Variants in USP6NL observed in about 807,000 individuals in gnomAD.
USP6NL encodes the protein USP6 N-terminal like, also known as USP6 N-terminal-like protein.
Under a neutral mutation model 61.9 loss-of-function variants are expected in USP6NL, and 26 were observed. That is an observed-to-expected ratio of 0.42 (90% confidence interval 0.31 to 0.58). USP6NL has a LOEUF of 0.58. Among genes scored for constraint, USP6NL ranks in the 20% least tolerant of loss-of-function variants. The pLI is 0.16. For missense variants in USP6NL, 1,114 were observed against 1,034.3 expected (o/e 1.08, Z -1.06); for synonymous variants, 432 against 390.1 (o/e 1.11, Z -1.27).
chr10:11,590,534 T>G (rs185290583), intron 2 of USP6NL, among the ~76,000 whole-genome samples: 1 of 152,284 alleles, frequency 6.6e-6, no homozygotes, highest in Admixed American at 6.5e-5. Flanking sequence ...CCACTACATC[T>G]TTTCACAAAT....
intron 6 of USP6NL, among the ~76,000 whole-genome samples, chr10:11,505,228 G>T (rs1834383866): frequency 6.6e-6 from 1 of 152,096 alleles, no homozygotes; most frequent in Non-Finnish European, 1.5e-5. Context: ...AGTGGGGGTG[G>T]GAGCAAGGAT....
At position 11,518,711 on chromosome 10, in the gene USP6NL, T is replaced by C. The variant is rs948214880; in HGVS notation, c.156-137A>G. 5 of 659,092 alleles carry C rather than the reference T, an allele frequency of 7.6e-6. No individual in the cohort carries two copies. The African/African-American group carries it at 9.5e-5, about 13-fold the overall frequency. 40.8% of individuals were successfully genotyped at this position (659,092 alleles called of 1,614,324 possible). On this transcript the variant is annotated intron_variant, in intron 4 of 14. Coordinates refer to ENST00000609104, the MANE Select transcript of USP6NL (RefSeq NM_014688.5). This position sits in a 1 kb window ranked among gnomAD's most constrained non-coding sequence, Gnocchi z 5.3. Reference sequence around the variant, plus strand: ...GTTACATAGGCTTCCATTCATTGAATTCAATATGAAATGATAGCTACTCTA... The same window carrying C: ...GTTACATAGGCTTCCATTCATTGAACTCAATATGAAATGATAGCTACTCTA...
intron 14 of USP6NL, among the ~76,000 whole-genome samples, chr10:11,472,502 C>G (rs1320954934): frequency 6.6e-6 from 1 of 152,256 alleles, no homozygotes; most frequent in Non-Finnish European, 1.5e-5. Context: ...TACACACACT[C>G]TGACTGTTCT....
chr10:11,531,394 C>T (rs1338008256), intron 2 of USP6NL, among the ~76,000 whole-genome samples: 1 of 152,064 alleles, frequency 6.6e-6, no homozygotes, highest in African/African-American at 2.4e-5. Context: ...ATGATCTCAG[C>T]TCACTGCAAC....
chr10:11,506,969 G>T (rs1034176674), intron 6 of USP6NL, among the ~76,000 whole-genome samples: 1 of 152,104 alleles, frequency 6.6e-6, no homozygotes, highest in African/African-American at 2.4e-5. Context: ...CTTTTAGAAG[G>T]TTCATTCTGT....
intron 2 of USP6NL, among the ~76,000 whole-genome samples, chr10:11,531,734 A>C (rs2133421670): frequency 6.6e-6 from 1 of 151,392 alleles, no homozygotes; most frequent in African/African-American, 2.4e-5. Flanking sequence ...GATTTTTTTT[A>C]TCTAATGTAA....
intron 2 of USP6NL, among the ~76,000 whole-genome samples, chr10:11,580,595 T>C (rs1392741156): frequency 1.3e-5 from 2 of 152,170 alleles, no homozygotes; most frequent in African/African-American, 4.8e-5. Flanking sequence ...TGAAATCACC[T>C]GGGGAGTTTC....
Position 11,596,638 on chromosome 10 carries a change from A to C in USP6NL, c.4+993T>G, listed in dbSNP as rs1183716472. On this transcript the variant is annotated intron_variant, in intron 2 of 14. Transcript: ENST00000609104. The surrounding 1 kb of genome is among the most constrained non-coding windows in gnomAD (Gnocchi z 4.1). ...GACTCCGTCTCAAAAAAAAAAAAAA[A>C]AACTCTTTCTTAATCTGTACTGAAC... Among the ~76,000 whole-genome samples, 1 of 152,038 alleles carries C rather than the reference A, an allele frequency of 6.6e-6. No homozygotes were observed. The highest frequency in any genetic ancestry group is 1.5e-5 in the Non-Finnish European group (1 of 68,000).
intron 2 of USP6NL, chr10:11,563,054 T>G (rs1231452573): frequency 6.6e-6 from 1 of 152,394 alleles, no homozygotes; most frequent in Non-Finnish European, 1.5e-5. Context: ...TATCCTTCAG[T>G]GTGTAAATGG....
intron 2 of USP6NL, among the ~76,000 whole-genome samples, chr10:11,594,942 A>G (rs1838278714): frequency 6.6e-6 from 1 of 152,162 alleles, no homozygotes; most frequent in Non-Finnish European, 1.5e-5. Context: ...TGGGTCCCAG[A>G]AGGAGGCAGG....
intron 2 of USP6NL, among the ~76,000 whole-genome samples, chr10:11,549,429 T>C (rs1193839157): frequency 2.0e-5 from 3 of 152,286 alleles, no homozygotes; most frequent in East Asian, 3.9e-4. Flanking sequence ...TTCACAGATA[T>C]CAACTCATTC....
Position 11,499,807 on chromosome 10 carries a change from G to A in USP6NL, c.384+1294C>T, listed in dbSNP as rs1190477967. Among the ~76,000 whole-genome samples the A allele has an allele frequency of 2.0e-5, 3 of 152,212 alleles. No homozygotes were observed. The highest frequency in any genetic ancestry group is 6.5e-5 in the Admixed American group (1 of 15,274). On this transcript the variant is annotated intron_variant, in intron 7 of 14. Coordinates refer to ENST00000609104, the MANE Select transcript of USP6NL (RefSeq NM_014688.5). The surrounding 1 kb of genome is among the most constrained non-coding windows in gnomAD (Gnocchi z 4.5). Reference sequence around the variant, plus strand: ...GTCCTCAAGAACTGTGTGAGAGAGAGTTCTGTTGTTTTGAGCCGCTTAGTT... The same window carrying A: ...GTCCTCAAGAACTGTGTGAGAGAGAATTCTGTTGTTTTGAGCCGCTTAGTT...
intron 8 of USP6NL, 146 bp downstream of exon 8, chr10:11,492,973 A>T (rs1833763331): frequency 1.6e-6 from 1 of 608,696 alleles, no homozygotes; most frequent in Non-Finnish European, 2.7e-6. Context: ...CTTAAGTTTC[A>T]CACAACATGG....
chr10:11,600,926 C>A lies in USP6NL; in HGVS notation c.-83-3209G>T, dbSNP rs760100691. Among the ~76,000 whole-genome samples, 1 of 151,942 alleles carries A rather than the reference C, an allele frequency of 6.6e-6. No individual in the cohort carries two copies. Among genetic ancestry groups the A allele is most frequent in the Non-Finnish European group, 1.5e-5 (1 of 67,996 alleles). Reference sequence around the variant, plus strand: ...GAGGCTGCAGTAAGCCAAGATCGCACCACTGCACTCCAGCCTGGGCAACAG... The same window carrying A: ...GAGGCTGCAGTAAGCCAAGATCGCAACACTGCACTCCAGCCTGGGCAACAG... On this transcript the variant is annotated intron_variant, in intron 1 of 14. Transcript: ENST00000609104. The surrounding 1 kb of genome is among the most constrained non-coding windows in gnomAD (Gnocchi z 4.1).
Position 11,585,576 on chromosome 10 carries a change from G to A in USP6NL, c.4+12055C>T, listed in dbSNP as rs1237299087. On this transcript the variant is annotated intron_variant, in intron 2 of 14. Coordinates refer to ENST00000609104, the MANE Select transcript of USP6NL (RefSeq NM_014688.5). This position sits in a 1 kb window ranked among gnomAD's most constrained non-coding sequence, Gnocchi z 4.5. ...ACTCGGGAGGCTGAGGAACGGGAAT[G>A]GCGCGAACCCGGGATGCGGAGCTTT... Among the ~76,000 whole-genome samples the A allele has an allele frequency of 6.6e-6, 1 of 152,092 alleles. No homozygotes were observed. Among genetic ancestry groups the A allele is most frequent in the Non-Finnish European group, 1.5e-5 (1 of 68,002 alleles).
chr10:11,565,026 C>G (rs548792498), intron 2 of USP6NL: 1 of 152,308 alleles, frequency 6.6e-6, no homozygotes, highest in African/African-American at 2.4e-5. Flanking sequence ...TATGATCTTA[C>G]TACACCACAG....
intron 2 of USP6NL, among the ~76,000 whole-genome samples, chr10:11,539,839 G>A (rs1835979416): frequency 6.6e-6 from 1 of 152,192 alleles, no homozygotes; most frequent in Non-Finnish European, 1.5e-5. Context: ...CATTTAACAT[G>A]CATAATCTCA....
chr10:11,570,710 A>G lies in USP6NL; in HGVS notation c.4+26921T>C, dbSNP rs191611701. Among the ~76,000 whole-genome samples, 52 of 152,310 alleles carry G rather than the reference A, an allele frequency of 3.4e-4. No homozygotes were observed. In the East Asian group the frequency reaches 5.0e-3, roughly 15 times the overall value. On this transcript the variant is annotated intron_variant, in intron 2 of 14. Transcript: ENST00000609104. ...AGTAACACACAGCTCTTATGATTAC[A>G]TTTACGCCTTACACACATCTGAAGA...
At chr10:11,493,828 G>A (rs1833802675) in intron 7 of USP6NL, among the ~76,000 whole-genome samples, 3 of 151,468 alleles carry the variant, frequency 2.0e-5, no homozygotes, top group Admixed American at 1.3e-4. Context: ...TGCCTGTACG[G>A]CCTGATCTCT....
Sources: allele counts gnomAD v4.1 joint callset (sites outside exome capture counted in the v4.1 genomes callset), GRCh38; gene constraint gnomAD v4.1.1; non-coding constraint Gnocchi (gnomAD v3.1); transcripts MANE v1.5; gene names NCBI Gene and HGNC (gene_info 2026-07-23, HGNC 2026-07-21).